PSTPIP1: variants seen among roughly 807,000 people sequenced by gnomAD.
The protein encoded by PSTPIP1 is proline-serine-threonine phosphatase interacting protein 1.
A neutral mutation model predicts 69.6 loss-of-function variants in PSTPIP1; 66 were observed. The ratio of observed to expected loss-of-function variants is 0.95; its 90% CI spans 0.78 to 1.16. The LOEUF (loss-of-function observed/expected upper bound fraction) is 1.16. PSTPIP1 is among the 50% of genes most tolerant of loss of function. The pLI is 0.00. For missense variants in PSTPIP1, 603 were observed against 557.4 expected (o/e 1.08, Z -0.82); for synonymous variants, 266 against 222.7 (o/e 1.19, Z -1.73).
intron 11 of PSTPIP1, 66 bp from the exon 12 acceptor site, chr15:77,032,796 T>A: frequency 7.2e-7 from 1 of 1,380,090 alleles, no homozygotes; most frequent in Non-Finnish European, 1.0e-6. Flanking sequence ...GGGCCCCAGC[T>A]GAGTCTGGCA....
chr15:77,021,243 T>C (rs1338307186), intron 3 of PSTPIP1, among the ~76,000 whole-genome samples: 1 of 152,124 alleles, frequency 6.6e-6, no homozygotes, highest in Non-Finnish European at 1.5e-5. Context: ...CCACTGAAAT[T>C]AACAGGAGGT....
At chr15:77,010,506 GTC>G (rs1206388901) in intron 1 of PSTPIP1, among the ~76,000 whole-genome samples, 1 of 152,146 alleles carries the variant, frequency 6.6e-6, no homozygotes, top group Non-Finnish European at 1.5e-5. Context: ...CCCTGCACCT[GTC>G]TCTGCTGCCT....
chr15:77,028,956 G>C (rs1400316663), intron 7 of PSTPIP1, among the ~76,000 whole-genome samples: 1 of 152,210 alleles, frequency 6.6e-6, no homozygotes, highest in Non-Finnish European at 1.5e-5. Context: ...CACAACCTTG[G>C]AGAAGGGCTC....
chr15:77,009,528 G>A (rs1306211516), intron 1 of PSTPIP1, among the ~76,000 whole-genome samples: 1 of 152,200 alleles, frequency 6.6e-6, no homozygotes, highest in African/African-American at 2.4e-5. Context: ...CTAGAGAAGT[G>A]TCCCAGCTAG....
In PSTPIP1 at chr15:77,037,218, G is replaced by T; in HGVS notation, c.*42G>T. The T allele has an allele frequency of 6.4e-7, 1 of 1,558,532 alleles. No homozygotes were observed. ...CCTTCGGACCTGCCCTGCCAGTGGA[G>T]CCAGCAGTGCCCCCAGCACTGTCCC... is the stretch of plus-strand genomic sequence containing the variant. On this transcript the variant is annotated 3_prime_UTR_variant, in exon 15 of 15. Transcript: ENST00000558012.
At chr15:77,000,373 C>A (rs1457104616) in intron 1 of PSTPIP1, among the ~76,000 whole-genome samples, 1 of 152,128 alleles carries the variant, frequency 6.6e-6, no homozygotes, top group Non-Finnish European at 1.5e-5. Context: ...CCTGTCCCTA[C>A]CCCCAGACCT....
intron 1 of PSTPIP1, among the ~76,000 whole-genome samples, chr15:77,013,645 G>A (rs915635517): frequency 1.3e-5 from 2 of 152,060 alleles, no homozygotes; most frequent in African/African-American, 4.8e-5. Context: ...CTTCTCCTAG[G>A]GGCTCCTCTC....
intron 1 of PSTPIP1, among the ~76,000 whole-genome samples, chr15:76,996,549 G>A (rs1160654248): frequency 6.6e-6 from 1 of 152,222 alleles, no homozygotes; most frequent in Non-Finnish European, 1.5e-5. Flanking sequence ...CAACAGCCCT[G>A]CCCTCCCCGG....
Position 77,027,575 on chromosome 15 carries a change from G to T in PSTPIP1, c.355-277G>T. ...GCAGGATGAACGACTGTGTGCGCACGTGTGTTGGGGTGGGAACTCCCCAGC... is the reference window on the plus strand; with the variant it reads ...GCAGGATGAACGACTGTGTGCGCACTTGTGTTGGGGTGGGAACTCCCCAGC... On this transcript the variant is annotated intron_variant, in intron 5 of 14. Transcript: ENST00000558012. This position sits in a 1 kb window ranked among gnomAD's most constrained non-coding sequence, Gnocchi z 4.3. 2.1e-6 allele frequency: 1 copy of T among 471,088 alleles called. No individual in the cohort carries two copies. Among genetic ancestry groups the T allele is most frequent in the Non-Finnish European group, 4.0e-6 (1 of 248,226 alleles). The allele number at this position is 471,088 out of a possible 1,614,324, so 29.2% of individuals were successfully genotyped here.
At chr15:77,023,281 C>T (rs780062879) in intron 3 of PSTPIP1, among the ~76,000 whole-genome samples, 3 of 152,246 alleles carry the variant, frequency 2.0e-5, no homozygotes, top group Non-Finnish European at 2.9e-5. Flanking sequence ...CCCAAAGTGA[C>T]ATCAGTGCTC....
At chr15:77,028,724 G>T in intron 7 of PSTPIP1, 72 bp downstream of exon 7, 2 of 1,254,314 alleles carry the variant, frequency 1.6e-6, no homozygotes, top group Non-Finnish European at 2.2e-6. Flanking sequence ...AAGGGGTGCC[G>T]TAGACACCCC....
intron 10 of PSTPIP1, 127 bp downstream of exon 10, chr15:77,031,405 CA>C: frequency 1.0e-6 from 1 of 961,292 alleles, no homozygotes; most frequent in Non-Finnish European, 1.6e-6. Flanking sequence ...CCAGGGGTCT[CA>C]GGCCTCAGCA....
chr15:77,019,340 G>A (rs999899144), intron 3 of PSTPIP1, among the ~76,000 whole-genome samples: 5 of 152,236 alleles, frequency 3.3e-5, no homozygotes, highest in African/African-American at 1.2e-4. Flanking sequence ...AAAGGGCTCT[G>A]CAGAGTCCTC....
chr15:77,021,312 G>A (rs191880351), intron 3 of PSTPIP1, among the ~76,000 whole-genome samples: 13 of 152,274 alleles, frequency 8.5e-5, no homozygotes, highest in East Asian at 5.8e-4. Flanking sequence ...GCAAACATCC[G>A]TGGGGCAGTG....
intron 10 of PSTPIP1, 186 bp downstream of exon 10, chr15:77,031,464 C>G: frequency 5.6e-6 from 3 of 540,140 alleles, no homozygotes; most frequent in South Asian, 4.1e-5. Flanking sequence ...CAGTACCACA[C>G]AGGGCCATGG....
chr15:77,029,293 A>G (rs2152686566), intron 7 of PSTPIP1, among the ~76,000 whole-genome samples: 1 of 152,168 alleles, frequency 6.6e-6, no homozygotes, highest in South Asian at 2.1e-4. Flanking sequence ...TTGTGGTCTC[A>G]CTCTTCACAG....
At chr15:77,010,478 C>T (rs1224302768) in intron 1 of PSTPIP1, among the ~76,000 whole-genome samples, 2 of 152,140 alleles carry the variant, frequency 1.3e-5, no homozygotes, top group Non-Finnish European at 2.9e-5. Flanking sequence ...GGCCACCTTA[C>T]AGACACCTGC....
chr15:77,010,201 T>C (rs2075905339), intron 1 of PSTPIP1, among the ~76,000 whole-genome samples: 1 of 152,206 alleles, frequency 6.6e-6, no homozygotes, highest in Non-Finnish European at 1.5e-5. Flanking sequence ...CAAATCAGCT[T>C]GGCAGGGGCG....
intron 14 of PSTPIP1, 44 bp from the exon 15 acceptor site, chr15:77,037,001 C>G: frequency 6.3e-7 from 1 of 1,597,458 alleles, no homozygotes; most frequent in Non-Finnish European, 8.5e-7. Flanking sequence ...AGGCCCTTCC[C>G]TGCAGGCCCT....
Sources: allele counts gnomAD v4.1 joint callset (sites outside exome capture counted in the v4.1 genomes callset), GRCh38; gene constraint gnomAD v4.1.1; non-coding constraint Gnocchi (gnomAD v3.1); transcripts MANE v1.5; gene names NCBI Gene and HGNC (gene_info 2026-07-23, HGNC 2026-07-21).